Variants in RBM28 observed in about 807,000 individuals in gnomAD.
The protein encoded by RBM28 is RNA-binding protein 28.
In RBM28, 78 loss-of-function variants were observed where a neutral mutation model predicts 98.3. The ratio of observed to expected loss-of-function variants is 0.79; its 90% CI spans 0.66 to 0.96. The LOEUF (loss-of-function observed/expected upper bound fraction) is 0.96, where lower values mean the gene tolerates loss of function less well. Among genes scored for constraint, RBM28 ranks in the 40% least tolerant of loss-of-function variants. The pLI is 0.00. For missense variants in RBM28, 838 were observed against 913.0 expected (o/e 0.92, Z 1.06); for synonymous variants, 306 against 330.9 (o/e 0.92, Z 0.82).
In RBM28 at chr7:128,303,293, A is replaced by C. The variant is rs1562943379; in HGVS notation, c.*7504T>G. On this transcript the variant is annotated 3_prime_UTR_variant, in exon 19 of 19. Transcript: ENST00000223073. ...GCTCTGGTACTAGCTCAGGTGGCCA[A>C]GGGGTTTCAGGAGAGGGTCTGGACT... 1 of 152,244 alleles carries C rather than the reference A, an allele frequency of 6.6e-6. No homozygotes were observed. Among genetic ancestry groups the C allele is most frequent in the African/African-American group, 2.4e-5 (1 of 41,436 alleles). 9.4% of individuals were successfully genotyped at this position (152,244 alleles called of 1,614,324 possible).
In RBM28 at chr7:128,343,662, C is replaced by A. The variant is rs1796777879; in HGVS notation, c.118+14G>T. 2 of 1,594,190 alleles carry A rather than the reference C, an allele frequency of 1.3e-6. No individual in the cohort carries two copies. The highest frequency in any genetic ancestry group is 1.4e-5 in the African/African-American group (1 of 74,042). On this transcript the variant is annotated intron_variant, in intron 1 of 18. Transcript: ENST00000223073. ...AGGAAACCCCAGCCCTATCCTCGAC[C>A]GCCCCGCCCCTACCTTTTTCAGTCA...
At chr7:128,333,994 C>T (rs1796542022) in intron 8 of RBM28, among the ~76,000 whole-genome samples, 1 of 152,184 alleles carries the variant, frequency 6.6e-6, no homozygotes, top group South Asian at 2.1e-4. Flanking sequence ...CATACAATCA[C>T]ACACAAATTA....
At chr7:128,321,161 G>C (rs140987172) in intron 14 of RBM28, 105 bp downstream of exon 14, 2 of 1,484,692 alleles carry the variant, frequency 1.3e-6, no homozygotes, top group Admixed American at 1.7e-5. Context: ...GTGAGACTTC[G>C]TCTCAAAACA....
chr7:128,341,659 A>G (rs910463240), intron 1 of RBM28, among the ~76,000 whole-genome samples: 2 of 152,202 alleles, frequency 1.3e-5, no homozygotes, highest in South Asian at 2.1e-4. Flanking sequence ...CCAAGTACAC[A>G]AGGTGTAAGG....
intron 17 of RBM28, 129 bp from the exon 18 acceptor site, chr7:128,313,403 G>T: frequency 1.1e-6 from 1 of 909,042 alleles, no homozygotes; most frequent in Non-Finnish European, 1.8e-6. Context: ...TACTGCAACA[G>T]ACCCTCTGAA....
chr7:128,341,205 A>C, intron 1 of RBM28: 1 of 1,287,670 alleles, frequency 7.8e-7, no homozygotes, highest in South Asian at 1.2e-5. Flanking sequence ...GACACAGGAC[A>C]CTGATCTACA....
intron 2 of RBM28, 47 bp downstream of exon 2, chr7:128,339,586 C>T: frequency 6.3e-7 from 1 of 1,586,956 alleles, no homozygotes; most frequent in East Asian, 2.2e-5. Flanking sequence ...TCATAGTGCT[C>T]CTCCTCACCC....
At position 128,302,796 on chromosome 7, in the gene RBM28, A is replaced by G. The variant is rs1795799517; in HGVS notation, c.*8001T>C. 1.3e-5 allele frequency: 2 copies of G among 152,188 alleles called. No individual in the cohort carries two copies. The highest frequency in any genetic ancestry group is 2.4e-5 in the African/African-American group (1 of 41,434). 9.4% of individuals were successfully genotyped at this position (152,188 alleles called of 1,614,324 possible). A position where few individuals can be genotyped will look rare whatever the true frequency, so the allele number is the denominator to read the frequency against. On this transcript the variant is annotated 3_prime_UTR_variant, in exon 19 of 19. Coordinates refer to ENST00000223073, the MANE Select transcript of RBM28 (RefSeq NM_018077.3). ...TTTTATTTTTATTATTTTTTTAGAC[A>G]GGGTATCACGCTGTTGCCCAGGTTG...
chr7:128,325,085 T>C (rs57744343), intron 11 of RBM28, among the ~76,000 whole-genome samples: 37,919 of 151,922 alleles, frequency 0.25, 4,938 homozygotes, highest in Non-Finnish European at 0.29. Flanking sequence ...ACTAAGCACC[T>C]GACAAGAACA....
rs7811392 is a variant in RBM28, at chr7:128,303,810, C to A, written c.*6987G>T. On this transcript the variant is annotated 3_prime_UTR_variant, in exon 19 of 19. Transcript: ENST00000223073. The stretch of plus-strand genomic sequence containing the variant: ...CAGGTCTCCATAGGTCATTATTCTT[C>A]CCAGGCGGGGTCAACTTCCTCTATT... 0.98 allele frequency: 150,046 copies of A among 152,334 alleles called. 73,946 individuals carry two copies. The highest frequency in any genetic ancestry group is 1 in the Middle Eastern group (294 of 294). 9.4% of individuals were successfully genotyped at this position (152,334 alleles called of 1,614,324 possible). A position where few individuals can be genotyped will look rare whatever the true frequency, so the allele number is the denominator to read the frequency against.
In RBM28 at chr7:128,310,561, A is replaced by G. The variant is rs146592573; in HGVS notation, c.*236T>C. The G allele has an allele frequency of 9.8e-5, 56 of 569,372 alleles. 1 individual carries two copies. The highest frequency in any genetic ancestry group is 1.6e-4 in the Non-Finnish European group (51 of 319,466). The allele number at this position is 569,372 out of a possible 1,614,324, so 35.3% of individuals were successfully genotyped here. A position where few individuals can be genotyped will look rare whatever the true frequency, so the allele number is the denominator to read the frequency against. On this transcript the variant is annotated 3_prime_UTR_variant, in exon 19 of 19. Transcript: ENST00000223073. ...GACACAACTTCATACAATAATCTGG[A>G]TAATATGCAAGAAGCATCATGTTGA...
rs200715896 is a variant in RBM28 at position 128,314,963 on chromosome 7, C to G, written c.1846G>C (p.Ala616Pro). The change falls in exon 17 of 19, where the codon GCA becomes CCA. Residue 616 changes from alanine (A) to proline (P), a missense_variant. By Grantham distance (27) the Ala-to-Pro change is conservative. Coordinates refer to ENST00000223073, the MANE Select transcript of RBM28 (RefSeq NM_018077.3). ...GCTGCCTTCTGTTGCTGGTCTTTTG[C>G]AGGCTCTGGTTGCCCCTTCTGAGGC... ...GEPQKGQPEP[A>P]KDQQQKAAQH... is the part of the protein sequence containing the mutation. 7 of 1,614,206 alleles carry G rather than the reference C, an allele frequency of 4.3e-6. No homozygotes were observed. Among genetic ancestry groups the G allele is most frequent in the Non-Finnish European group, 2.5e-6 (3 of 1,180,024 alleles).
rs776239384 is a variant in RBM28, at chr7:128,318,151, G to T, written c.1564-45C>A. 13 of 1,548,376 alleles carry T rather than the reference G, an allele frequency of 8.4e-6. No individual in the cohort carries two copies. The South Asian group carries it at 1.4e-4, about 16-fold the overall frequency. On this transcript the variant is annotated intron_variant, in intron 14 of 18. Transcript: ENST00000223073. Reference sequence around the variant, plus strand: ...AAAATCAGTAATTACAGAATGAGAAGACTTGCCTGACATGAACTGCTTTAA... The same window carrying T: ...AAAATCAGTAATTACAGAATGAGAATACTTGCCTGACATGAACTGCTTTAA...
At chr7:128,340,113 TCAA>T (rs1239838242) in intron 1 of RBM28, among the ~76,000 whole-genome samples, 1 of 152,004 alleles carries the variant, frequency 6.6e-6, no homozygotes, top group Admixed American at 6.6e-5. Context: ...CTCAAAGAAC[TCAA>T]CATCAAAAAG....
chr7:128,333,522 A>C (rs1156251440), intron 8 of RBM28, among the ~76,000 whole-genome samples, 160 bp from the exon 9 acceptor site: 1 of 152,234 alleles, frequency 6.6e-6, no homozygotes, highest in African/African-American at 2.4e-5. Flanking sequence ...GTTCGAGACC[A>C]GCCTGGCCAA....
intron 4 of RBM28, 32 bp from the exon 5 acceptor site, chr7:128,338,374 AG>A: frequency 6.5e-7 from 1 of 1,546,288 alleles, no homozygotes; most frequent in Non-Finnish European, 8.9e-7. Context: ...AAGAAGTGAG[AG>A]GCAGCAGGAG....
intron 5 of RBM28, among the ~76,000 whole-genome samples, chr7:128,337,511 G>C (rs1270895106): frequency 6.6e-6 from 1 of 151,264 alleles, no homozygotes; most frequent in East Asian, 1.9e-4. Flanking sequence ...AGGCATTCTG[G>C]AATCATCTGC....
At position 128,326,322 on chromosome 7, in the gene RBM28, A is replaced by G. The variant is rs868119709; in HGVS notation, c.1130-431T>C. On this transcript the variant is annotated intron_variant, in intron 10 of 18. Transcript: ENST00000223073. Reference sequence around the variant, plus strand: ...CGTCTCAAAAAAAAAAAAAAAAAAAAGTACAGCCATGTACTTGCATAAGGA... The same window carrying G: ...CGTCTCAAAAAAAAAAAAAAAAAAAGGTACAGCCATGTACTTGCATAAGGA... Among the ~76,000 whole-genome samples the G allele has an allele frequency of 6.6e-3, 1,007 of 151,478 alleles. 4 individuals carry two copies. Among genetic ancestry groups the G allele is most frequent in the Middle Eastern group, 0.024 (7 of 294 alleles).
At position 128,304,313 on chromosome 7, in the gene RBM28, T is replaced by C. The variant is rs1044089861; in HGVS notation, c.*6484A>G. 2 of 152,198 alleles carry C rather than the reference T, an allele frequency of 1.3e-5. No individual in the cohort carries two copies. Among genetic ancestry groups the C allele is most frequent in the Admixed American group, 6.5e-5 (1 of 15,276 alleles). The allele number at this position is 152,198 out of a possible 1,614,324, so 9.4% of individuals were successfully genotyped here. A position where few individuals can be genotyped will look rare whatever the true frequency, so the allele number is the denominator to read the frequency against. On this transcript the variant is annotated 3_prime_UTR_variant, in exon 19 of 19. Transcript: ENST00000223073. ...TGATATGACACAACCAGACTACAAA[T>C]AAATGTTTGTTACTATCTGATTCAA...
Sources: allele counts gnomAD v4.1 joint callset (sites outside exome capture counted in the v4.1 genomes callset), GRCh38; gene constraint gnomAD v4.1.1; transcripts MANE v1.5; gene names NCBI Gene and HGNC (gene_info 2026-07-23, HGNC 2026-07-21).